Variants in ANKMY1 observed in about 807,000 individuals in gnomAD.
The protein encoded by ANKMY1 is ankyrin repeat and MYND domain-containing protein 1.
ANKMY1 carries 98 observed loss-of-function variants against 102.0 expected under a neutral mutation model. That is an observed-to-expected ratio of 0.96 (90% CI 0.82 to 1.14). ANKMY1 has a LOEUF of 1.14. Ranked by LOEUF, ANKMY1 falls within the 50% of genes most tolerant of loss-of-function variation. The pLI is 0.00. For missense variants in ANKMY1, 1,330 were observed against 1,347.6 expected, an observed-to-expected ratio of 0.99 and a Z score of 0.20; for synonymous variants, 582 against 559.9, an observed-to-expected ratio of 1.04 and a Z score of -0.56.
At chr2:240,512,470 G>A (rs932529738) in intron 10 of ANKMY1, among the ~76,000 whole-genome samples, 1 of 152,240 alleles carries the variant, frequency 6.6e-6, no homozygotes, top group Non-Finnish European at 1.5e-5. Flanking sequence ...CATGGAACTG[G>A]CCTCTGTCTG....
At chr2:240,523,810 G>A (rs2082796072) in intron 8 of ANKMY1, 75 bp downstream of exon 8, 1 of 1,547,258 alleles carries the variant, frequency 6.5e-7, no homozygotes, top group African/African-American at 1.4e-5. Flanking sequence ...ACAGGGAAGA[G>A]ACGTGGGTCT....
Position 240,523,286 on chromosome 2 carries a change from G to A in ANKMY1, c.1832+599C>T, listed in dbSNP as rs867228622. 2.2e-4 allele frequency: 33 copies of A among 153,062 alleles called. 1 individual carries two copies. Among genetic ancestry groups the A allele is most frequent in the Middle Eastern group, 6.8e-3 (2 of 294 alleles). 9.5% of individuals were successfully genotyped at this position (153,062 alleles called of 1,614,324 possible). On this transcript the variant is annotated intron_variant, in intron 8 of 17. Coordinates refer to ENST00000401804, the MANE Select transcript of ANKMY1 (RefSeq NM_001282771.3). The stretch of plus-strand genomic sequence containing the variant: ...GGAATACCATGCCCCCAAGCAGGCC[G>A]GGCACTGCTGCCCTGCACGCTGGGG...
intron 13 of ANKMY1, among the ~76,000 whole-genome samples, chr2:240,504,161 G>T (rs1575000186): frequency 6.6e-6 from 1 of 152,226 alleles, no homozygotes; most frequent in Admixed American, 6.5e-5. Context: ...AGCAAGACGT[G>T]GTGGGAGATG....
intron 13 of ANKMY1, among the ~76,000 whole-genome samples, chr2:240,502,781 A>G (rs373436566): frequency 3.4e-5 from 5 of 145,678 alleles, no homozygotes; most frequent in African/African-American, 1.0e-4. Flanking sequence ...CTATGACATC[A>G]CTGCATCCGC....
At chr2:240,526,678 A>C in intron 5 of ANKMY1, 1 of 1,416,468 alleles carries the variant, frequency 7.1e-7, no homozygotes. Context: ...CTTGGGCTAT[A>C]TGTCTGTCCC....
chr2:240,485,056 C>T (rs1482408096), intron 15 of ANKMY1, among the ~76,000 whole-genome samples: 4 of 152,112 alleles, frequency 2.6e-5, no homozygotes, highest in Non-Finnish European at 4.4e-5. Context: ...CAGCCAGGCG[C>T]GGTGGCTCAT....
chr2:240,520,630 G>T lies in ANKMY1; in HGVS notation c.1833-97C>A. 7.0e-7 allele frequency: 1 copy of T among 1,428,780 alleles called. No homozygotes were observed. Among genetic ancestry groups the T allele is most frequent in the Non-Finnish European group, 9.3e-7 (1 of 1,072,266 alleles). 88.5% of individuals were successfully genotyped at this position (1,428,780 alleles called of 1,614,324 possible). The stretch of plus-strand genomic sequence containing the variant: ...CAGCGAGGAGGCTGGGGAGGGGCGC[G>T]TAGGGAGTATGTGTGTGCCGCAACT... On this transcript the variant is annotated intron_variant, in intron 8 of 17. Transcript: ENST00000401804. The surrounding 1 kb of genome is among the most constrained non-coding windows in gnomAD (Gnocchi z 4.8).
At chr2:240,501,680 A>G (rs2078205185) in intron 13 of ANKMY1, among the ~76,000 whole-genome samples, 1 of 152,236 alleles carries the variant, frequency 6.6e-6, no homozygotes, top group Non-Finnish European at 1.5e-5. Context: ...TCAGCAACAC[A>G]TGAGCACAAC....
Position 240,524,016 on chromosome 2 carries a change from G to T in ANKMY1, c.1701C>A (p.Ser567=). 1 of 1,613,976 alleles carries T rather than the reference G, an allele frequency of 6.2e-7. No individual in the cohort carries two copies. The highest frequency in any genetic ancestry group is 8.5e-7 in the Non-Finnish European group (1 of 1,180,034). ...FESNVCVCDF[S]IELSQAMLER... is the part of the protein sequence containing the mutation. ...CCAGCATGGCCTGCGAGAGCTCGATGGAGAAGTCGCACACACACACGTTGG... is the reference window on the plus strand; with the variant it reads ...CCAGCATGGCCTGCGAGAGCTCGATTGAGAAGTCGCACACACACACGTTGG... Residue 567 remains serine, a synonymous_variant, in exon 8 of 18, where the codon TCC becomes TCA. Transcript: ENST00000401804.
intron 15 of ANKMY1, among the ~76,000 whole-genome samples, chr2:240,491,851 C>G (rs1002434731): frequency 6.6e-6 from 1 of 152,162 alleles, no homozygotes; most frequent in African/African-American, 2.4e-5. Context: ...TTCTCTTTGA[C>G]TTTAGACAGT....
intron 4 of ANKMY1, among the ~76,000 whole-genome samples, chr2:240,549,575 G>T (rs1225033399): frequency 1.3e-5 from 2 of 152,044 alleles, no homozygotes; most frequent in Non-Finnish European, 2.9e-5. Flanking sequence ...GAGTAAACAG[G>T]CAACCTACAA....
At chr2:240,480,501 C>T (rs548655657) in intron 17 of ANKMY1, among the ~76,000 whole-genome samples, 31 of 152,332 alleles carry the variant, frequency 2.0e-4, no homozygotes, top group South Asian at 1.4e-3. Context: ...ACATCTGAGA[C>T]GGCAGGCTGG....
intron 9 of ANKMY1, among the ~76,000 whole-genome samples, chr2:240,516,362 T>C (rs2081217709): frequency 6.6e-6 from 1 of 152,202 alleles, no homozygotes; most frequent in African/African-American, 2.4e-5. Context: ...AGAGACATAT[T>C]AGGCTTATTT....
intron 15 of ANKMY1, among the ~76,000 whole-genome samples, chr2:240,490,426 C>T (rs75758640): frequency 0.03 from 4,623 of 152,106 alleles, 94 homozygotes; most frequent in Non-Finnish European, 0.049. Context: ...CCCCTTAGCC[C>T]TGTTTTTGCT....
Position 240,526,072 on chromosome 2 carries a change from T to A in ANKMY1, c.1170+157A>T, listed in dbSNP as rs2083325926. 3 of 1,012,630 alleles carry A rather than the reference T, an allele frequency of 3.0e-6. No homozygotes were observed. In the South Asian group the frequency reaches 4.6e-5, roughly 15 times the overall value. The allele number at this position is 1,012,630 out of a possible 1,614,324, so 62.7% of individuals were successfully genotyped here. A position where few individuals can be genotyped will look rare whatever the true frequency, so the allele number is the denominator to read the frequency against. On this transcript the variant is annotated intron_variant, in intron 6 of 17. Transcript: ENST00000401804. Reference sequence around the variant, plus strand: ...ACCACGAGTGTCACACTCAGCTGAGTGGGTTTCTGCTGAACGGCGAGGTGG... The same window carrying A: ...ACCACGAGTGTCACACTCAGCTGAGAGGGTTTCTGCTGAACGGCGAGGTGG...
At chr2:240,542,426 C>T (rs1443813164) in intron 4 of ANKMY1, among the ~76,000 whole-genome samples, 1 of 151,910 alleles carries the variant, frequency 6.6e-6, no homozygotes, top group African/African-American at 2.4e-5. Flanking sequence ...ATCACTTGAA[C>T]CTGGGAGGTG....
At chr2:240,540,564 C>A (rs1018355755) in intron 4 of ANKMY1, among the ~76,000 whole-genome samples, 1 of 152,196 alleles carries the variant, frequency 6.6e-6, no homozygotes, top group African/African-American at 2.4e-5. Context: ...CCTTACCCCT[C>A]CTGAGTTCCT....
Position 240,556,717 on chromosome 2 carries a change from C to T in ANKMY1, c.146+473G>A, listed in dbSNP as rs564708582. Among the ~76,000 whole-genome samples, 284 of 152,300 alleles carry T rather than the reference C, an allele frequency of 1.9e-3. 1 individual carries two copies. Among genetic ancestry groups the T allele is most frequent in the African/African-American group, 6.5e-3 (269 of 41,570 alleles). On this transcript the variant is annotated intron_variant, in intron 2 of 17. Coordinates refer to ENST00000401804, the MANE Select transcript of ANKMY1 (RefSeq NM_001282771.3). ...TTGTCCCCACTAGACTTTGGGCACT[C>T]TACGGGTGGTGTTGAGGCTGGTCCC...
intron 5 of ANKMY1, chr2:240,527,019 TG>T: frequency 1.0e-6 from 1 of 989,432 alleles, no homozygotes; most frequent in East Asian, 1.1e-4. Flanking sequence ...GATGTCTGCA[TG>T]ATGGATGGAT....
Sources: gnomAD v4.1 joint callset for allele counts (sites outside exome capture counted in the v4.1 genomes callset) on GRCh38, gnomAD v4.1.1 for gene constraint, Gnocchi (gnomAD v3.1) non-coding constraint, MANE v1.5 for transcripts, NCBI Gene and HGNC (gene_info 2026-07-23, HGNC 2026-07-21) for gene names.